SPSB1: variants seen among roughly 807,000 people sequenced by gnomAD.
The protein encoded by SPSB1 is SPRY domain-containing SOCS box protein 1.
In SPSB1, 8 loss-of-function variants were observed where a neutral mutation model predicts 21.2. The ratio of observed to expected loss-of-function variants is 0.38; its 90% confidence interval spans 0.22 to 0.68. SPSB1 has a LOEUF of 0.68. Among genes scored for constraint, SPSB1 ranks in the 30% least tolerant of loss-of-function variants. The pLI, the probability that SPSB1 is intolerant of heterozygous loss-of-function variation, is 0.53. For synonymous variants in SPSB1, 169 were observed against 161.7 expected (o/e 1.05, Z -0.34); for missense variants, 242 against 377.8 (o/e 0.64, Z 2.98).
chr1:9,331,067 G>A (rs1448396296), intron 1 of SPSB1, among the ~76,000 whole-genome samples: 1 of 152,086 alleles, frequency 6.6e-6, no homozygotes, highest in Non-Finnish European at 1.5e-5. Flanking sequence ...TATTTTATTA[G>A]AATGGGCTCT....
At chr1:9,295,217 AGTGTGTGT>A (rs5772365) in intron 1 of SPSB1, among the ~76,000 whole-genome samples, 50 of 148,658 alleles carry the variant, frequency 3.4e-4, no homozygotes, top group East Asian at 1.4e-3. Context: ...TGAGAGTGTG[AGTGTGTGT>A]GTGTGTGTGT....
In SPSB1 at chr1:9,346,265, C is replaced by T. The variant is rs1465571357; in HGVS notation, c.-149-9478C>T. Among the ~76,000 whole-genome samples, 1 of 152,268 alleles carries T rather than the reference C, an allele frequency of 6.6e-6. No homozygotes were observed. The highest frequency in any genetic ancestry group is 1.5e-5 in the Non-Finnish European group (1 of 68,048). The stretch of plus-strand genomic sequence containing the variant: ...TTTATAAATAGGTCACCTTGTTCCA[C>T]ATCCTGAATTTCATTCTTTCCCCAT... On this transcript the variant is annotated intron_variant, in intron 1 of 2. Transcript: ENST00000328089. The surrounding 1 kb of genome is among the most constrained non-coding windows in gnomAD (Gnocchi z 4.4).
At chr1:9,297,427 A>G (rs1476134379) in intron 1 of SPSB1, among the ~76,000 whole-genome samples, 3 of 152,184 alleles carry the variant, frequency 2.0e-5, no homozygotes, top group African/African-American at 7.2e-5. Flanking sequence ...CCAGACAGTC[A>G]GAGTGTGGCC....
chr1:9,351,858 C>G (rs1291469537), intron 1 of SPSB1, among the ~76,000 whole-genome samples: 3 of 152,200 alleles, frequency 2.0e-5, no homozygotes, highest in African/African-American at 7.2e-5. Flanking sequence ...GGAGGTGACT[C>G]AGATGGCAGA....
chr1:9,309,283 TGAGAGAGAGAGA>T (rs748979653), intron 1 of SPSB1, among the ~76,000 whole-genome samples: 42 of 137,746 alleles, frequency 3.0e-4, no homozygotes, highest in African/African-American at 1.2e-3. Context: ...AGAGAGAGTG[TGAGAGAGAGAGA>T]GAGAGAGTGT....
chr1:9,334,570 C>T (rs547334682), intron 1 of SPSB1, among the ~76,000 whole-genome samples: 22 of 152,188 alleles, frequency 1.4e-4, no homozygotes, highest in Admixed American at 8.5e-4. Flanking sequence ...CATTAGGTAC[C>T]TTCATATTGT....
intron 1 of SPSB1, among the ~76,000 whole-genome samples, chr1:9,295,548 C>T (rs890140541): frequency 2.6e-5 from 4 of 152,132 alleles, no homozygotes; most frequent in African/African-American, 9.7e-5. Context: ...AGGCTGGATC[C>T]ACCCTTCAGT....
At chr1:9,343,923 C>A (rs536044367) in intron 1 of SPSB1, among the ~76,000 whole-genome samples, 1 of 152,236 alleles carries the variant, frequency 6.6e-6, no homozygotes, top group South Asian at 2.1e-4. Context: ...GTAGCTGGGA[C>A]TAGAGGCGCC....
At position 9,350,018 on chromosome 1, in the gene SPSB1, T is replaced by C. The variant is rs570710113; in HGVS notation, c.-149-5725T>C. 2.0e-5 allele frequency among the ~76,000 whole-genome samples: 3 copies of C among 151,844 alleles called. No homozygotes were observed. The East Asian group carries it at 5.8e-4, about 29-fold the overall frequency. The stretch of plus-strand genomic sequence containing the variant: ...TACCTACATGCACACACAGCACATA[T>C]ATACACACATGAAGACACACCACAC... On this transcript the variant is annotated intron_variant, in intron 1 of 2. Coordinates refer to ENST00000328089, the MANE Select transcript of SPSB1 (RefSeq NM_025106.4).
At chr1:9,325,616 G>T (rs1265622970) in intron 1 of SPSB1, among the ~76,000 whole-genome samples, 1 of 152,210 alleles carries the variant, frequency 6.6e-6, no homozygotes, top group Non-Finnish European at 1.5e-5. Context: ...GCCAGGCACT[G>T]TGCCAGCCCC....
intron 2 of SPSB1, among the ~76,000 whole-genome samples, chr1:9,357,146 TGGGTG>T (rs1640381652): frequency 2.4e-5 from 1 of 41,276 alleles, no homozygotes; most frequent in Non-Finnish European, 6.8e-5. Flanking sequence ...GATGGATGGA[TGGGTG>T]GATGGATGGG....
At chr1:9,359,427 GGC>G (rs1640429616) in intron 2 of SPSB1, among the ~76,000 whole-genome samples, 1 of 152,194 alleles carries the variant, frequency 6.6e-6, no homozygotes, top group Non-Finnish European at 1.5e-5. Context: ...TCTGCGGCTG[GGC>G]GCGGTGGCTC....
Position 9,356,303 on chromosome 1 carries a change from G to C in SPSB1, c.412G>C (p.Glu138Gln), listed in dbSNP as rs1036065921. ...GYTTLVGNNH[E>Q]SWGWDLGRNR... ...CACAACCCTCGTGGGGAATAACCAC[G>C]AGTCCTGGGGCTGGGACTTGGGGCG... The change falls in exon 2 of 3, where the codon GAG becomes CAG. Residue 138 changes from glutamate to glutamine, a missense_variant. Coordinates refer to ENST00000328089, the MANE Select transcript of SPSB1 (RefSeq NM_025106.4). This position sits in a 1 kb window ranked among gnomAD's most constrained non-coding sequence, Gnocchi z 7.4. The C allele has an allele frequency of 2.5e-6, 4 of 1,613,744 alleles. No homozygotes were observed. The Admixed American group carries it at 6.7e-5, about 27-fold the overall frequency.
chr1:9,327,002 G>A (rs1458223368), intron 1 of SPSB1, among the ~76,000 whole-genome samples: 2 of 152,142 alleles, frequency 1.3e-5, no homozygotes, highest in African/African-American at 2.4e-5. Context: ...GAGAACCCCA[G>A]CCTCCTTGCA....
At chr1:9,360,443 A>G (rs4908853) in intron 2 of SPSB1, among the ~76,000 whole-genome samples, 115,198 of 152,002 alleles carry the variant, frequency 0.76, 44,009 homozygotes, top group East Asian at 0.96. Context: ...CGTCTCCTGG[A>G]GCTGCTGAAC....
intron 1 of SPSB1, among the ~76,000 whole-genome samples, chr1:9,343,225 T>C (rs1453548136): frequency 6.6e-6 from 1 of 152,062 alleles, no homozygotes; most frequent in Non-Finnish European, 1.5e-5. Context: ...CCCAAAACAG[T>C]TTCATCACCC....
intron 1 of SPSB1, among the ~76,000 whole-genome samples, chr1:9,323,045 C>T (rs77390888): frequency 0.11 from 16,417 of 152,254 alleles, 1,035 homozygotes; most frequent in Middle Eastern, 0.16. Flanking sequence ...GGCTGTCACT[C>T]TTTGATGCTG....
At chr1:9,347,034 C>G (rs970766646) in intron 1 of SPSB1, among the ~76,000 whole-genome samples, 13 of 152,214 alleles carry the variant, frequency 8.5e-5, no homozygotes, top group South Asian at 6.2e-4. Flanking sequence ...ACCCTTCTGC[C>G]AGGCTGGGCA....
chr1:9,330,593 C>T (rs1052820259), intron 1 of SPSB1, among the ~76,000 whole-genome samples: 1 of 152,146 alleles, frequency 6.6e-6, no homozygotes, highest in South Asian at 2.1e-4. Flanking sequence ...TCCCTAACTT[C>T]ACCCGACACG....
Sources: gnomAD v4.1 joint callset for allele counts (sites outside exome capture counted in the v4.1 genomes callset) on GRCh38, gnomAD v4.1.1 for gene constraint, Gnocchi (gnomAD v3.1) non-coding constraint, MANE v1.5 for transcripts, NCBI Gene and HGNC (gene_info 2026-07-23, HGNC 2026-07-21) for gene names.